The following FOXK2 variants were observed in gnomAD, a reference collection of about 807,000 sequenced individuals.
FOXK2 encodes the protein forkhead box K2.
Under a neutral mutation model 53.3 loss-of-function variants are expected in FOXK2, and 24 were observed. That is an observed-to-expected ratio of 0.45 (90% confidence interval 0.33 to 0.63). The LOEUF is 0.63. FOXK2 is among the 30% of genes least tolerant of loss of function. FOXK2 has a pLI of 0.03. For missense variants in FOXK2, 952 were observed against 910.5 expected (o/e 1.05, Z -0.59); for synonymous variants, 505 against 407.1 (o/e 1.24, Z -2.89).
intron 7 of FOXK2, among the ~76,000 whole-genome samples, chr17:82,586,556 A>G (rs1268485122): frequency 1.3e-5 from 2 of 148,538 alleles, no homozygotes; most frequent in Non-Finnish European, 3.0e-5. Context: ...GGCGGAGGGG[A>G]AAGGAGGAGA....
intron 1 of FOXK2, among the ~76,000 whole-genome samples, chr17:82,552,594 G>A (rs142491557): frequency 5.9e-5 from 9 of 152,306 alleles, no homozygotes; most frequent in African/African-American, 2.2e-4. Context: ...TAGTGATTTC[G>A]TCGAACGTCC....
At position 82,601,415 on chromosome 17, in the gene FOXK2, G is replaced by C. The variant is rs117690256; in HGVS notation, c.1899G>C (p.Lys633Asn). The change falls in exon 9 of 9, where the codon AAG becomes AAC. Residue 633 changes from lysine (K) to asparagine (N), a missense_variant. By Grantham distance (94) the Lys-to-Asn change is moderately conservative. Around this residue, in one of 5 missense-constraint regions of FOXK2, gnomAD observed 551 missense variants for 385.1 expected, o/e 1.43. Transcript: ENST00000335255. The part of the protein sequence containing the change: ...QPEQPELKRI[K>N]TEDGEGIVIA... ...AGCAGCCGGAGCTGAAGCGGATCAA[G>C]ACAGAAGACGGCGAGGGCATCGTCA... The C allele has an allele frequency of 3.5e-4, 562 of 1,613,024 alleles. No homozygotes were observed. In the East Asian group the frequency reaches 0.012, roughly 35 times the overall value.
At chr17:82,597,220 T>G (rs891896241) in intron 8 of FOXK2, among the ~76,000 whole-genome samples, 1 of 152,236 alleles carries the variant, frequency 6.6e-6, no homozygotes, top group Admixed American at 6.5e-5. Flanking sequence ...AACCAGAGTT[T>G]GCAGTGCTCG....
At chr17:82,595,508 G>A (rs1278067399) in intron 8 of FOXK2, among the ~76,000 whole-genome samples, 2 of 152,072 alleles carry the variant, frequency 1.3e-5, no homozygotes, top group Non-Finnish European at 2.9e-5. Flanking sequence ...TTACCGTGCT[G>A]CTCAGGCTGG....
At chr17:82,572,329 T>C (rs1253771078) in intron 4 of FOXK2, among the ~76,000 whole-genome samples, 1 of 152,216 alleles carries the variant, frequency 6.6e-6, no homozygotes, top group East Asian at 1.9e-4. Context: ...AAGGAACACT[T>C]AGAAGACATC....
chr17:82,538,377 T>G (rs2044541165), intron 1 of FOXK2, among the ~76,000 whole-genome samples: 3 of 152,096 alleles, frequency 2.0e-5, no homozygotes, highest in African/African-American at 7.2e-5. Context: ...CCTGGACACT[T>G]GGGAGGCTAA....
intron 8 of FOXK2, 63 bp downstream of exon 8, chr17:82,587,335 C>T: frequency 7.7e-7 from 1 of 1,299,784 alleles, no homozygotes; most frequent in East Asian, 2.3e-5. Context: ...CCCCTTCTCA[C>T]TCGTGGTTTC....
intron 1 of FOXK2, among the ~76,000 whole-genome samples, chr17:82,545,175 T>C (rs1416925230): frequency 1.3e-5 from 2 of 152,142 alleles, no homozygotes; most frequent in African/African-American, 2.4e-5. Context: ...ATTCTAAGTA[T>C]AGCTCAGTAA....
intron 2 of FOXK2, among the ~76,000 whole-genome samples, chr17:82,565,097 G>C (rs1465862108): frequency 3.3e-5 from 5 of 152,126 alleles, no homozygotes; most frequent in Admixed American, 2.6e-4. Context: ...CCAACAAGTG[G>C]TACCAGGTAA....
chr17:82,597,020 G>C (rs996522122), intron 8 of FOXK2, among the ~76,000 whole-genome samples: 1 of 152,236 alleles, frequency 6.6e-6, no homozygotes, highest in African/African-American at 2.4e-5. Flanking sequence ...CCGGTGAGGG[G>C]CAGGGGCTGG....
At position 82,555,911 on chromosome 17, in the gene FOXK2, A is replaced by G. The variant is rs1460055631; in HGVS notation, c.420-7443A>G. ...AAAAAAAAAAAAAAAAAAAAAAAAA[A>G]AAAAAGAAATAGGTCATGGTCAGCA... is the stretch of plus-strand genomic sequence containing the variant. On this transcript the variant is annotated intron_variant, in intron 1 of 8. Coordinates refer to ENST00000335255, the MANE Select transcript of FOXK2 (RefSeq NM_004514.4). 3.9e-5 allele frequency among the ~76,000 whole-genome samples: 5 copies of G among 128,396 alleles called. No individual in the cohort carries two copies. In the South Asian group the frequency reaches 8.0e-4, roughly 21 times the overall value. The allele number at this position is 128,396 out of a possible 152,430, so 84.2% of individuals were successfully genotyped here. A position where few individuals can be genotyped will look rare whatever the true frequency, so the allele number is the denominator to read the frequency against.
At chr17:82,553,712 A>G (rs1186903118) in intron 1 of FOXK2, among the ~76,000 whole-genome samples, 1 of 152,146 alleles carries the variant, frequency 6.6e-6, no homozygotes, top group African/African-American at 2.4e-5. Context: ...ATGAACCACC[A>G]CTAGAATCGG....
chr17:82,522,431 C>T (rs192195538), intron 1 of FOXK2, among the ~76,000 whole-genome samples: 45 of 149,810 alleles, frequency 3.0e-4, no homozygotes, highest in Non-Finnish European at 5.5e-4. Context: ...TGCAGTGGCG[C>T]AATCTCGGCT....
rs1269371868 is a variant in FOXK2 at position 82,586,149 on chromosome 17, G to T, written c.1525G>T (p.Ala509Ser). 1 of 1,612,240 alleles carries T rather than the reference G, an allele frequency of 6.2e-7. No homozygotes were observed. The highest frequency in any genetic ancestry group is 1.3e-5 in the African/African-American group (1 of 74,800). Residue 509 changes from alanine to serine, a missense_variant, in exon 7 of 9, where the codon GCC becomes TCC. Physicochemically the swap from Ala to Ser is moderately conservative, Grantham distance 99. This residue lies in a region of FOXK2 where 551 missense variants were observed against 385.1 expected (regional missense o/e 1.43). Coordinates refer to ENST00000335255, the MANE Select transcript of FOXK2 (RefSeq NM_004514.4). ...TGTGGTCACCCCGGCAGCCGTGCTGGCCCCTCCTAAGGCAGAGGCCCAGGA... is the reference window on the plus strand; with the variant it reads ...TGTGGTCACCCCGGCAGCCGTGCTGTCCCCTCCTAAGGCAGAGGCCCAGGA... ...QAVVTPAAVLAPPKAEAQENG... is the reference protein window; with the variant it reads ...QAVVTPAAVLSPPKAEAQENG...
intron 1 of FOXK2, among the ~76,000 whole-genome samples, chr17:82,536,241 A>G (rs1360838041): frequency 1.3e-5 from 2 of 152,136 alleles, no homozygotes; most frequent in Non-Finnish European, 2.9e-5. Flanking sequence ...TGTCTAGCAA[A>G]TCCAGCATCT....
intron 1 of FOXK2, among the ~76,000 whole-genome samples, chr17:82,562,391 A>G (rs2044806073): frequency 6.6e-6 from 1 of 152,192 alleles, no homozygotes. Context: ...GACCAGCCCG[A>G]CCAACATGGA....
At chr17:82,600,942 C>T (rs1190822804) in intron 8 of FOXK2, 1 of 179,034 alleles carries the variant, frequency 5.6e-6, no homozygotes, top group Admixed American at 5.7e-5. Context: ...TCTGCCTCAA[C>T]CACTACTGGA....
intron 1 of FOXK2, among the ~76,000 whole-genome samples, chr17:82,561,352 T>G (rs2044791236): frequency 6.6e-6 from 1 of 151,896 alleles, no homozygotes; most frequent in Non-Finnish European, 1.5e-5. Context: ...GTGGGGATTT[T>G]GGAGCCATTT....
intron 1 of FOXK2, among the ~76,000 whole-genome samples, chr17:82,544,143 G>C (rs555695087): frequency 1.3e-5 from 2 of 152,158 alleles, no homozygotes; most frequent in African/African-American, 4.8e-5. Context: ...GAACTCCTGG[G>C]CTCAGTTGAT....
Sources: gnomAD v4.1 joint callset for allele counts (sites outside exome capture counted in the v4.1 genomes callset) on GRCh38, gnomAD v4.1.1 for gene constraint, gnomAD v4.1.1 regional missense constraint, MANE v1.5 for transcripts, NCBI Gene and HGNC (gene_info 2026-07-23, HGNC 2026-07-21) for gene names.